Variants in FOXN3 observed in about 807,000 individuals in gnomAD.
FOXN3 encodes forkhead box protein N3.
A neutral mutation model predicts 38.4 loss-of-function variants in FOXN3; 7 were observed. That is an observed-to-expected ratio of 0.18 (90% CI 0.10 to 0.34). The LOEUF (loss-of-function observed/expected upper bound fraction) is 0.34, where lower values mean the gene tolerates loss of function less well. Ranked by LOEUF, FOXN3 falls within the 10% of genes least tolerant of loss-of-function variation. The probability of loss-of-function intolerance (pLI) is 1.00; values close to 1 mark genes in which losing one functional copy is unlikely to be tolerated. For missense variants in FOXN3, 456 were observed against 613.4 expected (o/e 0.74, Z 2.71); for synonymous variants, 230 against 242.2 (o/e 0.95, Z 0.47).
chr14:89,479,467 T>C (rs1051341573), intron 1 of FOXN3, among the ~76,000 whole-genome samples: 6 of 152,164 alleles, frequency 3.9e-5, no homozygotes, highest in Non-Finnish European at 7.4e-5. Flanking sequence ...TCTCAACTTG[T>C]TTTAAATAAA....
chr14:89,579,531 C>T (rs777745673), intron 1 of FOXN3, among the ~76,000 whole-genome samples: 4 of 152,132 alleles, frequency 2.6e-5, no homozygotes, highest in Admixed American at 6.5e-5. Context: ...TCCCAATATA[C>T]GAGCAATAAA....
intron 3 of FOXN3, among the ~76,000 whole-genome samples, chr14:89,326,600 G>A (rs181388921): frequency 2.8e-4 from 42 of 152,244 alleles, no homozygotes; most frequent in Middle Eastern, 3.4e-3. Flanking sequence ...AGGCTCTGTC[G>A]AGAGAGCAAA....
Position 89,162,764 on chromosome 14 carries a change from C to G in FOXN3, c.1057G>C (p.Glu353Gln). 6.2e-7 allele frequency: 1 copy of G among 1,613,052 alleles called. No individual in the cohort carries two copies. The highest frequency in any genetic ancestry group is 1.7e-5 in the Admixed American group (1 of 60,026). ...HYEFATKGSQ[E>Q]GSEGSEGSFR... is the part of the protein sequence containing the mutation. Reference sequence around the variant, plus strand: ...CTCCCCTCGCTGCCCTCGCTGCCCTCCTGGCTCCCCTTGGTGGCAAACTCA... The same window carrying G: ...CTCCCCTCGCTGCCCTCGCTGCCCTGCTGGCTCCCCTTGGTGGCAAACTCA... Residue 353 changes from glutamate (E) to glutamine (Q), a missense_variant, in exon 6 of 6, where the codon GAG becomes CAG. Physicochemically the swap from Glu to Gln is conservative, Grantham distance 29. Transcript: ENST00000557258. This position sits in a 1 kb window ranked among gnomAD's most constrained non-coding sequence, Gnocchi z 7.2.
chr14:89,504,707 C>T (rs542953030), intron 1 of FOXN3, among the ~76,000 whole-genome samples: 1 of 152,296 alleles, frequency 6.6e-6, no homozygotes, highest in Admixed American at 6.5e-5. Flanking sequence ...GGAGTGGCTT[C>T]ACAGTGGTTA....
Position 89,164,703 on chromosome 14 carries a change from CCAT to C in FOXN3, c.852-1737_852-1735del, listed in dbSNP as rs1339464302. 1.3e-5 allele frequency among the ~76,000 whole-genome samples: 2 copies of C among 152,176 alleles called. No homozygotes were observed. Among genetic ancestry groups the C allele is most frequent in the East Asian group, 1.9e-4 (1 of 5,184 alleles). On this transcript the variant is annotated intron_variant, in intron 5 of 5. Transcript: ENST00000557258. The surrounding 1 kb of genome is among the most constrained non-coding windows in gnomAD (Gnocchi z 4.3). ...GGGAAATGACTGTGGGTCTCCACCA[CCAT>C]GACTCACCGGGCACACGCTGAGGAT...
At chr14:89,540,331 G>A (rs1487606448) in intron 1 of FOXN3, among the ~76,000 whole-genome samples, 1 of 152,142 alleles carries the variant, frequency 6.6e-6, no homozygotes, top group Non-Finnish European at 1.5e-5. Flanking sequence ...CCTCTAAAAG[G>A]CATGCTTAAC....
chr14:89,588,799 C>A (rs948319221), intron 1 of FOXN3, among the ~76,000 whole-genome samples: 1 of 152,142 alleles, frequency 6.6e-6, no homozygotes, highest in Admixed American at 6.5e-5. Flanking sequence ...AAGATGGAAA[C>A]CCAAGGCGTT....
chr14:89,428,833 C>T (rs1892099592), intron 1 of FOXN3, among the ~76,000 whole-genome samples: 1 of 152,232 alleles, frequency 6.6e-6, no homozygotes, highest in Non-Finnish European at 1.5e-5. Context: ...ACCTGAGGAC[C>T]AAGGTGGGCA....
intron 1 of FOXN3, among the ~76,000 whole-genome samples, chr14:89,473,374 C>T (rs931856317): frequency 6.7e-6 from 1 of 149,842 alleles, no homozygotes; most frequent in African/African-American, 2.5e-5. Context: ...AAGATTTACT[C>T]CACAACGCTT....
rs571310165 is a variant in FOXN3 at position 89,425,745 on chromosome 14, C to A, written c.-14-13255G>T. Among the ~76,000 whole-genome samples, 526 of 152,294 alleles carry A rather than the reference C, an allele frequency of 3.5e-3. 4 individuals are homozygous for A. Among genetic ancestry groups the A allele is most frequent in the African/African-American group, 0.012 (492 of 41,566 alleles). ...TGAATTAACAAATCCTGAATCATTGCTCCTAGGGGAAATATGGGGTTAGGT... is the reference window on the plus strand; with the variant it reads ...TGAATTAACAAATCCTGAATCATTGATCCTAGGGGAAATATGGGGTTAGGT... On this transcript the variant is annotated intron_variant, in intron 1 of 6. Coordinates refer to the FOXN3 transcript ENST00000345097.
chr14:89,487,194 T>C (rs919116241), intron 1 of FOXN3, among the ~76,000 whole-genome samples: 6 of 152,248 alleles, frequency 3.9e-5, no homozygotes, highest in African/African-American at 1.4e-4. Context: ...TATCAGGCCA[T>C]GGTTAACCAA....
At position 89,406,685 on chromosome 14, in the gene FOXN3, C is replaced by T. The variant is rs528682422; in HGVS notation, c.543+5249G>A. 3.3e-5 allele frequency among the ~76,000 whole-genome samples: 5 copies of T among 152,130 alleles called. No homozygotes were observed. In the South Asian group the frequency reaches 1.0e-3, roughly 32 times the overall value. On this transcript the variant is annotated intron_variant, in intron 2 of 5. Coordinates refer to ENST00000557258, the MANE Select transcript of FOXN3 (RefSeq NM_005197.4). ...CTAAAATTGTATTTAAAGCACTCAG[C>T]TCTGGATATAATAAACATACTTTTG...
chr14:89,588,743 A>T (rs1196569347), intron 1 of FOXN3, among the ~76,000 whole-genome samples: 2 of 152,220 alleles, frequency 1.3e-5, no homozygotes, highest in African/African-American at 4.8e-5. Flanking sequence ...GTGATTTAAG[A>T]CATAGCAGGG....
intron 5 of FOXN3, among the ~76,000 whole-genome samples, chr14:89,175,001 C>G (rs1887484298): frequency 6.6e-6 from 1 of 152,170 alleles, no homozygotes; most frequent in Non-Finnish European, 1.5e-5. Context: ...GACAACAACC[C>G]TATCTTAATA....
intron 2 of FOXN3, among the ~76,000 whole-genome samples, chr14:89,410,915 AAAAG>A (rs1049385104): frequency 1.3e-5 from 2 of 152,194 alleles, no homozygotes; most frequent in Admixed American, 6.5e-5. Context: ...AAAAGAAAGA[AAAAG>A]AAAGCAAATT....
intron 4 of FOXN3, among the ~76,000 whole-genome samples, chr14:89,231,692 G>A (rs954341464): frequency 1.4e-4 from 21 of 152,158 alleles, no homozygotes; most frequent in African/African-American, 5.1e-4. Context: ...AGAAAAAGGA[G>A]GGGACGCAAT....
intron 1 of FOXN3, among the ~76,000 whole-genome samples, chr14:89,425,841 T>A (rs1345470929): frequency 3.3e-5 from 5 of 152,188 alleles, no homozygotes; most frequent in Non-Finnish European, 7.3e-5. Context: ...TATTATCACA[T>A]CATAATTTTG....
Position 89,509,532 on chromosome 14 carries a change from G to A in FOXN3, c.-14-97042C>T, listed in dbSNP as rs571375559. On this transcript the variant is annotated intron_variant, in intron 1 of 6. Coordinates refer to the FOXN3 transcript ENST00000345097. ...ATATTTTTTGTAGAAACAGGATTTC[G>A]CCATGTTGGCCAGGTTGGTCTTGAA... Among the ~76,000 whole-genome samples the A allele has an allele frequency of 2.6e-5, 4 of 152,164 alleles. No individual in the cohort carries two copies. In the South Asian group the frequency reaches 6.2e-4, roughly 24 times the overall value.
chr14:89,337,041 C>T (rs1888481586), intron 3 of FOXN3, among the ~76,000 whole-genome samples: 3 of 152,080 alleles, frequency 2.0e-5, no homozygotes, highest in African/African-American at 7.2e-5. Flanking sequence ...TTCTCAAGAA[C>T]AATCCATTAA....
Sources: gnomAD v4.1 joint callset for allele counts (sites outside exome capture counted in the v4.1 genomes callset) on GRCh38, gnomAD v4.1.1 for gene constraint, Gnocchi (gnomAD v3.1) non-coding constraint, MANE v1.5 for transcripts, NCBI Gene and HGNC (gene_info 2026-07-23, HGNC 2026-07-21) for gene names.